Variants in NFATC3 observed in about 807,000 individuals in gnomAD.
The protein encoded by NFATC3 is nuclear factor of activated T-cells, cytoplasmic 3.
NFATC3 carries 46 observed loss-of-function variants against 98.6 expected under a neutral mutation model. The observed-to-expected ratio is 0.47, with a 90% CI of 0.37 to 0.60. NFATC3 has a LOEUF of 0.60. NFATC3 is among the 20% of genes least tolerant of loss of function. The pLI is 0.00. For missense variants in NFATC3, 1,256 were observed against 1,295.5 expected, an observed-to-expected ratio of 0.97 and a Z score of 0.47; for synonymous variants, 512 against 472.2, an observed-to-expected ratio of 1.08 and a Z score of -1.09.
chr16:68,152,462 C>G (rs1164225485), intron 3 of NFATC3, among the ~76,000 whole-genome samples: 1 of 151,336 alleles, frequency 6.6e-6, no homozygotes, highest in Non-Finnish European at 1.5e-5. Context: ...CATTCTAGAC[C>G]AGGGGTTATC....
chr16:68,090,483 A>G (rs2034653359), intron 1 of NFATC3, among the ~76,000 whole-genome samples: 1 of 152,190 alleles, frequency 6.6e-6, no homozygotes, highest in Non-Finnish European at 1.5e-5. Flanking sequence ...ATTAGGGCAG[A>G]TGAGAGATTC....
intron 1 of NFATC3, among the ~76,000 whole-genome samples, chr16:68,102,491 C>G (rs555920529): frequency 1.3e-5 from 2 of 151,092 alleles, no homozygotes; most frequent in South Asian, 2.1e-4. Context: ...AGGCATTGCT[C>G]TCCATTTTCT....
At chr16:68,104,671 A>ATTTTTTTTTTTTTTTTTTTT (rs2035552780) in intron 1 of NFATC3, among the ~76,000 whole-genome samples, 1 of 90,508 alleles carries the variant, frequency 1.1e-5, no homozygotes, top group African/African-American at 5.2e-5. Flanking sequence ...TTTTTTTTTG[A>ATTTTTTTTTTTTTTTTTTTT]AATGGAGTCT....
At position 68,122,907 on chromosome 16, in the gene NFATC3, A is replaced by G; in HGVS notation, c.1024A>G (p.Lys342Glu). 1 of 1,614,236 alleles carries G rather than the reference A, an allele frequency of 6.2e-7. No individual in the cohort carries two copies. Among genetic ancestry groups the G allele is most frequent in the Non-Finnish European group, 8.5e-7 (1 of 1,180,048 alleles). ...GACTGACATCCCTCTCAAAACAAGGAAAACTTCTGAAGATCAAGCTGCCAT... is the reference window on the plus strand; with the variant it reads ...GACTGACATCCCTCTCAAAACAAGGGAAACTTCTGAAGATCAAGCTGCCAT... ...VETDIPLKTR[K>E]TSEDQAAILP... Residue 342 changes from lysine (K) to glutamate (E), a missense_variant, in exon 2 of 10, where the codon AAA becomes GAA. Transcript: ENST00000346183.
chr16:68,127,980 A>G (rs770127994), intron 3 of NFATC3, among the ~76,000 whole-genome samples: 12 of 151,444 alleles, frequency 7.9e-5, no homozygotes, highest in Non-Finnish European at 1.5e-4. Flanking sequence ...CACTACTACT[A>G]CTTTTTTATT....
chr16:68,197,841 C>G (rs950937136), intron 9 of NFATC3, among the ~76,000 whole-genome samples: 13 of 152,018 alleles, frequency 8.6e-5, no homozygotes, highest in African/African-American at 2.7e-4. Context: ...CTCTTTTAAC[C>G]AAATCAAAGA....
chr16:68,149,511 A>G (rs1255329504), intron 3 of NFATC3, among the ~76,000 whole-genome samples: 2 of 152,248 alleles, frequency 1.3e-5, no homozygotes, highest in Non-Finnish European at 2.9e-5. Context: ...AAAATACACT[A>G]CAAGGCTGAG....
chr16:68,093,349 T>C (rs2034832170), intron 1 of NFATC3, among the ~76,000 whole-genome samples: 1 of 152,186 alleles, frequency 6.6e-6, no homozygotes, highest in African/African-American at 2.4e-5. Flanking sequence ...GTCCTTCCAT[T>C]TTACAGGAGA....
chr16:68,214,285 C>G (rs746516025), intron 9 of NFATC3: 12 of 1,479,026 alleles, frequency 8.1e-6, no homozygotes, highest in Non-Finnish European at 1.1e-5. Context: ...AGTTCACCCT[C>G]TGGTTTGTTC....
intron 1 of NFATC3, among the ~76,000 whole-genome samples, chr16:68,105,829 C>T (rs955174937): frequency 2.0e-5 from 3 of 152,006 alleles, no homozygotes; most frequent in African/African-American, 7.2e-5. Context: ...TAGGAGTTTG[C>T]TCATTCCTTC....
chr16:68,135,908 C>T (rs1358959034), intron 3 of NFATC3, among the ~76,000 whole-genome samples: 2 of 151,522 alleles, frequency 1.3e-5, no homozygotes, highest in Non-Finnish European at 2.9e-5. Flanking sequence ...ACTAAAAATA[C>T]AAAAATTAGC....
chr16:68,209,746 C>G (rs931019373), intron 9 of NFATC3: 1 of 474,468 alleles, frequency 2.1e-6, no homozygotes, highest in South Asian at 1.6e-5. Context: ...GGGGAAACCC[C>G]GTAAAGTGGT....
chr16:68,209,017 C>G (rs1287003977), intron 9 of NFATC3, among the ~76,000 whole-genome samples: 1 of 152,142 alleles, frequency 6.6e-6, no homozygotes, highest in Non-Finnish European at 1.5e-5. Context: ...GCTAGAACTT[C>G]TAGTGGTAGG....
At chr16:68,198,188 C>T (rs995031385) in intron 9 of NFATC3, among the ~76,000 whole-genome samples, 1 of 151,996 alleles carries the variant, frequency 6.6e-6, no homozygotes, top group African/African-American at 2.4e-5. Context: ...CAGGGTAGCA[C>T]GTGCCTGTAA....
At chr16:68,128,571 C>T (rs182259171) in intron 3 of NFATC3, among the ~76,000 whole-genome samples, 5 of 151,126 alleles carry the variant, frequency 3.3e-5, no homozygotes, top group Non-Finnish European at 5.9e-5. Context: ...ATGAAAAAAC[C>T]GATGCATGTG....
rs141507411 is a variant in NFATC3 at position 68,217,699 on chromosome 16, C to G, written c.3107-8651C>G. Reference sequence around the variant, plus strand: ...AGATTCCTTTCAATTTGTTGTTCCTCTTTCTCCTTAGGTTTTGTCAAAGCA... The same window carrying G: ...AGATTCCTTTCAATTTGTTGTTCCTGTTTCTCCTTAGGTTTTGTCAAAGCA... On this transcript the variant is annotated intron_variant, in intron 9 of 9. Transcript: ENST00000346183. 743 of 1,231,534 alleles carry G rather than the reference C, an allele frequency of 6.0e-4. 5 individuals are homozygous for G. The African/African-American group carries it at 9.7e-3, about 16-fold the overall frequency. 76.3% of individuals were successfully genotyped at this position (1,231,534 alleles called of 1,614,324 possible).
chr16:68,139,244 A>T (rs2037618684), intron 3 of NFATC3, among the ~76,000 whole-genome samples: 1 of 152,228 alleles, frequency 6.6e-6, no homozygotes, highest in African/African-American at 2.4e-5. Flanking sequence ...AAATGAGAAT[A>T]ATATATAATA....
At chr16:68,089,059 A>C (rs548252464) in intron 1 of NFATC3, 1 of 985,444 alleles carries the variant, frequency 1.0e-6, no homozygotes, top group South Asian at 4.7e-5. Context: ...GAATTGTTTC[A>C]GTTCTTTGGC....
intron 5 of NFATC3, among the ~76,000 whole-genome samples, chr16:68,170,798 T>A (rs986240442): frequency 2.0e-5 from 3 of 151,982 alleles, no homozygotes; most frequent in Non-Finnish European, 4.4e-5. Flanking sequence ...CGGCCTCGAT[T>A]TTCTTTTATT....
Sources: gnomAD v4.1 joint callset for allele counts (sites outside exome capture counted in the v4.1 genomes callset) on GRCh38, gnomAD v4.1.1 for gene constraint, MANE v1.5 for transcripts, NCBI Gene and HGNC (gene_info 2026-07-23, HGNC 2026-07-21) for gene names.